DOK6: variants seen among roughly 807,000 people sequenced by gnomAD.
DOK6 encodes the protein downstream of tyrosine kinase 6.
In DOK6, 22 loss-of-function variants were observed where a neutral mutation model predicts 44.0. The observed-to-expected ratio is 0.50, with a 90% CI of 0.36 to 0.71. DOK6 has a LOEUF of 0.71. Ranked by LOEUF, DOK6 falls within the 30% of genes least tolerant of loss-of-function variation. DOK6 has a pLI of 0.00. For missense variants in DOK6, 340 were observed against 416.4 expected, an observed-to-expected ratio of 0.82 and a Z score of 1.60; for synonymous variants, 166 against 145.5, an observed-to-expected ratio of 1.14 and a Z score of -1.01.
intron 6 of DOK6, among the ~76,000 whole-genome samples, chr18:69,746,126 A>C (rs1036543180): frequency 1.3e-5 from 2 of 152,204 alleles, no homozygotes; most frequent in African/African-American, 4.8e-5. Context: ...AAGAATATAC[A>C]TGTTGTTAAA....
intron 1 of DOK6, among the ~76,000 whole-genome samples, chr18:69,412,186 TG>T (rs1471193850): frequency 6.6e-6 from 1 of 152,120 alleles, no homozygotes; most frequent in Non-Finnish European, 1.5e-5. Flanking sequence ...TTAACAGAAA[TG>T]GAACTTTCTC....
At chr18:69,494,386 G>T (rs1980821463) in intron 1 of DOK6, among the ~76,000 whole-genome samples, 1 of 152,118 alleles carries the variant, frequency 6.6e-6, no homozygotes, top group East Asian at 1.9e-4. Flanking sequence ...TGAGGCACAA[G>T]AATTGCTTGA....
chr18:69,548,893 A>G (rs979993201), intron 1 of DOK6, among the ~76,000 whole-genome samples: 2 of 151,248 alleles, frequency 1.3e-5, no homozygotes, highest in East Asian at 1.9e-4. Flanking sequence ...GGAGATCAAG[A>G]CCATCCTGGC....
intron 5 of DOK6, among the ~76,000 whole-genome samples, chr18:69,699,941 A>G (rs1177492179): frequency 6.6e-6 from 1 of 152,116 alleles, no homozygotes; most frequent in Non-Finnish European, 1.5e-5. Flanking sequence ...AGGAGGCCTC[A>G]CAGTCATGGC....
intron 1 of DOK6, among the ~76,000 whole-genome samples, chr18:69,556,493 G>A (rs1982690523): frequency 6.6e-6 from 1 of 152,022 alleles, no homozygotes; most frequent in South Asian, 2.1e-4. Context: ...AATAAAAAAA[G>A]CTATTTACAA....
chr18:69,631,016 T>C (rs1411736258), intron 3 of DOK6, among the ~76,000 whole-genome samples: 4 of 152,146 alleles, frequency 2.6e-5, no homozygotes, highest in Admixed American at 2.6e-4. Context: ...GCATTCAAGG[T>C]GTTATATTTC....
At chr18:69,714,008 C>T (rs1450869029) in intron 5 of DOK6, among the ~76,000 whole-genome samples, 1 of 152,146 alleles carries the variant, frequency 6.6e-6, no homozygotes, top group African/African-American at 2.4e-5. Context: ...TCATTTCTGT[C>T]TCGAGTACCA....
chr18:69,414,662 G>A (rs959926261), intron 1 of DOK6, among the ~76,000 whole-genome samples: 4 of 151,988 alleles, frequency 2.6e-5, no homozygotes, highest in African/African-American at 9.7e-5. Context: ...TCTGTATCTT[G>A]ACTGTAGTAA....
chr18:69,415,342 A>C (rs934100815), intron 1 of DOK6, among the ~76,000 whole-genome samples: 5 of 150,094 alleles, frequency 3.3e-5, no homozygotes, highest in African/African-American at 1.2e-4. Flanking sequence ...AATGACTCAA[A>C]TCATTTTTTT....
chr18:69,762,752 T>A (rs1847393213), intron 7 of DOK6, among the ~76,000 whole-genome samples: 2 of 152,236 alleles, frequency 1.3e-5, no homozygotes, highest in African/African-American at 4.8e-5. Flanking sequence ...AAGACACCTA[T>A]AACTTCAGTT....
Position 69,627,472 on chromosome 18 carries a change from G to A in DOK6, c.289+27974G>A, listed in dbSNP as rs564405801. ...TTTATTTATTTATTTATTTTGTGAC[G>A]GAGTCTCGCTTTGTCCCCCAGGCTG... On this transcript the variant is annotated intron_variant, in intron 3 of 7. Transcript: ENST00000382713. Among the ~76,000 whole-genome samples the A allele has an allele frequency of 4.6e-5, 7 of 151,478 alleles. No individual in the cohort carries two copies. The East Asian group carries it at 5.8e-4, about 13-fold the overall frequency.
intron 2 of DOK6, among the ~76,000 whole-genome samples, chr18:69,590,656 G>T (rs540992559): frequency 2.0e-5 from 3 of 152,248 alleles, no homozygotes; most frequent in South Asian, 4.1e-4. Flanking sequence ...AATAGGCTTA[G>T]GTCCTTGAAG....
intron 1 of DOK6, among the ~76,000 whole-genome samples, chr18:69,553,047 AT>A (rs1410447799): frequency 6.6e-6 from 1 of 152,256 alleles, no homozygotes; most frequent in Non-Finnish European, 1.5e-5. Context: ...AGAGATAGAA[AT>A]TAAGATTAGA....
rs1599124416 is a variant in DOK6, at chr18:69,424,502, G to T, written c.66+23192G>T. 2.0e-5 allele frequency among the ~76,000 whole-genome samples: 3 copies of T among 152,136 alleles called. No homozygotes were observed. In the East Asian group the frequency reaches 5.8e-4, roughly 29 times the overall value. On this transcript the variant is annotated intron_variant, in intron 1 of 7. Transcript: ENST00000382713. ...AATGCCATCTATATTTTAAATATTA[G>T]TTATTTACAGTTATACACAATACAG...
intron 7 of DOK6, among the ~76,000 whole-genome samples, chr18:69,789,179 C>T (rs897920157): frequency 6.6e-6 from 1 of 152,084 alleles, no homozygotes; most frequent in East Asian, 1.9e-4. Context: ...TCCCTAATTC[C>T]GAGTTTCTTC....
chr18:69,434,787 T>C (rs1197128364), intron 1 of DOK6, among the ~76,000 whole-genome samples: 2 of 151,696 alleles, frequency 1.3e-5, no homozygotes, highest in African/African-American at 4.8e-5. Flanking sequence ...CTAGGCACTG[T>C]GGCACCCGCC....
At chr18:69,799,809 A>G (rs1392701685) in intron 7 of DOK6, among the ~76,000 whole-genome samples, 1 of 152,110 alleles carries the variant, frequency 6.6e-6, no homozygotes, top group Non-Finnish European at 1.5e-5. Context: ...GAGGCATTTT[A>G]TTACGCTTAT....
At chr18:69,812,290 T>C (rs964088995) in intron 7 of DOK6, among the ~76,000 whole-genome samples, 2 of 152,182 alleles carry the variant, frequency 1.3e-5, no homozygotes, top group Non-Finnish European at 2.9e-5. Flanking sequence ...TTTTACCCTG[T>C]ACTGTGTGTT....
At chr18:69,795,586 G>C (rs1436108900) in intron 7 of DOK6, among the ~76,000 whole-genome samples, 1 of 152,154 alleles carries the variant, frequency 6.6e-6, no homozygotes, top group Non-Finnish European at 1.5e-5. Flanking sequence ...GTGAGAACAA[G>C]GTTCCAGTTC....
Sources: gnomAD v4.1 joint callset for allele counts (sites outside exome capture counted in the v4.1 genomes callset) on GRCh38, gnomAD v4.1.1 for gene constraint, MANE v1.5 for transcripts, NCBI Gene and HGNC (gene_info 2026-07-23, HGNC 2026-07-21) for gene names.